PIK3C2G: variants seen among roughly 807,000 people sequenced by gnomAD.
PIK3C2G encodes phosphatidylinositol 3-kinase C2 domain-containing subunit gamma.
In PIK3C2G, 168 loss-of-function variants were observed where a neutral mutation model predicts 181.1. The observed-to-expected ratio is 0.93, with a 90% CI of 0.82 to 1.05. PIK3C2G has a LOEUF of 1.05. Among genes scored for constraint, PIK3C2G ranks in the 50% least tolerant of loss-of-function variants. The pLI, the probability that PIK3C2G is intolerant of heterozygous loss-of-function variation, is 0.00. For missense variants in PIK3C2G, 1,869 were observed against 1,732.8 expected (o/e 1.08, Z -1.40); for synonymous variants, 573 against 592.2 (o/e 0.97, Z 0.47).
chr12:18,369,044 C>G (rs559629603), intron 12 of PIK3C2G, among the ~76,000 whole-genome samples: 76 of 152,284 alleles, frequency 5.0e-4, no homozygotes, highest in South Asian at 4.1e-3. Context: ...CTTTTGTCAT[C>G]TTCAGTACTC....
chr12:18,546,517 C>A, intron 26 of PIK3C2G, 85 bp downstream of exon 26: 1 of 764,394 alleles, frequency 1.3e-6, no homozygotes, highest in Non-Finnish European at 2.3e-6. Context: ...TCAGGTTGAC[C>A]AGTCATTGGT....
intron 26 of PIK3C2G, among the ~76,000 whole-genome samples, chr12:18,553,844 ACT>A (rs1416239957): frequency 1.3e-5 from 2 of 151,914 alleles, no homozygotes. Flanking sequence ...TACCTTTTAG[ACT>A]CATATGCATT....
At chr12:18,337,982 G>C (rs1474434953) in intron 8 of PIK3C2G, among the ~76,000 whole-genome samples, 1 of 152,084 alleles carries the variant, frequency 6.6e-6, no homozygotes, top group Non-Finnish European at 1.5e-5. Context: ...CCAAACAATA[G>C]GTGTATTTTG....
At chr12:18,680,173 T>C in the PIK3C2G span, among the ~76,000 whole-genome samples, 1,473 of 152,080 alleles carry the variant, frequency 9.7e-3, 28 homozygotes, top group African/African-American at 0.033. Flanking sequence ...CCAGTCCATA[T>C]AGTCCCCCAG....
At chr12:18,557,148 C>T (rs1008751455) in intron 26 of PIK3C2G, among the ~76,000 whole-genome samples, 4 of 152,014 alleles carry the variant, frequency 2.6e-5, no homozygotes, top group African/African-American at 9.7e-5. Context: ...CTTAGATAAG[C>T]ATCATACTTT....
Position 18,286,896 on chromosome 12 carries a change from C to T in PIK3C2G, c.728C>T (p.Thr243Met), listed in dbSNP as rs186647102. ...GTGGAAGTACCTCAAAGCAGCAATA[C>T]GAGTCTGGCCTCTTTTTGCAACAAA... Reference protein sequence around the residue: ...QLVEVPQSSNTSLASFCNKVK... With the variant: ...QLVEVPQSSNMSLASFCNKVK... The change falls in exon 3 of 33, where the codon ACG (threonine) becomes ATG (methionine). Residue 243 changes from threonine to methionine, a missense_variant. By Grantham distance (81) the Thr-to-Met change is moderately conservative. Transcript: ENST00000538779. The T allele has an allele frequency of 2.5e-5, 40 of 1,572,810 alleles. No homozygotes were observed. Among genetic ancestry groups the T allele is most frequent in the Admixed American group, 1.8e-4 (10 of 54,538 alleles).
the PIK3C2G span, among the ~76,000 whole-genome samples, chr12:18,675,475 A>C: frequency 6.6e-6 from 1 of 152,206 alleles, no homozygotes; most frequent in Non-Finnish European, 1.5e-5. Flanking sequence ...TTCTCACAGA[A>C]CTAAAAGCAG....
At chr12:18,645,073 GTAAAGACTTAACTCATGCC>G (rs1396543006) in intron 32 of PIK3C2G, among the ~76,000 whole-genome samples, 1 of 152,090 alleles carries the variant, frequency 6.6e-6, no homozygotes, top group South Asian at 2.1e-4. Context: ...TCAGAAGGTA[GTAAAGACTTAACTCATGCC>G]TATAGGTAAA....
chr12:18,640,673 T>C (rs1203925901), intron 32 of PIK3C2G, 119 bp downstream of exon 32: 1 of 919,364 alleles, frequency 1.1e-6, no homozygotes, highest in African/African-American at 1.7e-5. Flanking sequence ...AGGAAAGATA[T>C]TTTCCAAAGT....
chr12:18,400,119 A>C (rs911642855), intron 16 of PIK3C2G, among the ~76,000 whole-genome samples: 4 of 152,182 alleles, frequency 2.6e-5, no homozygotes, highest in Non-Finnish European at 4.4e-5. Context: ...TTAATTAAGC[A>C]GGGAAAAATA....
intron 8 of PIK3C2G, among the ~76,000 whole-genome samples, chr12:18,331,204 T>C (rs1002424422): frequency 3.3e-5 from 5 of 152,118 alleles, no homozygotes; most frequent in African/African-American, 1.2e-4. Flanking sequence ...AAAAAAATAT[T>C]TGGCTATTCT....
At chr12:18,489,171 C>A (rs1055176389) in intron 19 of PIK3C2G, among the ~76,000 whole-genome samples, 2 of 151,962 alleles carry the variant, frequency 1.3e-5, no homozygotes, top group African/African-American at 4.8e-5. Context: ...AGAATATTTG[C>A]TCTTTTTAAT....
chr12:18,616,825 A>G (rs1170804004), intron 31 of PIK3C2G, among the ~76,000 whole-genome samples: 1 of 152,180 alleles, frequency 6.6e-6, no homozygotes, highest in Non-Finnish European at 1.5e-5. Flanking sequence ...TTTGTTTTAT[A>G]AAATTGTTTT....
At chr12:18,723,302 C>A in the PIK3C2G span, 1 of 1,602,534 alleles carries the variant, frequency 6.2e-7, no homozygotes, top group South Asian at 1.1e-5. Flanking sequence ...GTTTGAAATG[C>A]AAACATACCT....
At chr12:18,369,077 T>C (rs1226756107) in intron 12 of PIK3C2G, among the ~76,000 whole-genome samples, 3 of 152,210 alleles carry the variant, frequency 2.0e-5, no homozygotes, top group Non-Finnish European at 2.9e-5. Flanking sequence ...ACTGCTCTAA[T>C]AATTTAACAT....
the PIK3C2G span, among the ~76,000 whole-genome samples, chr12:18,689,930 G>A: frequency 2.0e-5 from 3 of 152,102 alleles, no homozygotes; most frequent in Middle Eastern, 3.2e-3. Context: ...AGAGGCAACA[G>A]AGAAAGACCC....
intron 20 of PIK3C2G, among the ~76,000 whole-genome samples, chr12:18,493,905 A>C (rs901826081): frequency 5.3e-5 from 8 of 152,188 alleles, no homozygotes; most frequent in Non-Finnish European, 1.2e-4. Context: ...ATCACAATGA[A>C]CCATTCCCTA....
At chr12:18,584,164 A>G (rs542337763) in intron 29 of PIK3C2G, among the ~76,000 whole-genome samples, 2 of 151,136 alleles carry the variant, frequency 1.3e-5, no homozygotes, top group East Asian at 3.9e-4. Flanking sequence ...AGTAGCTGGG[A>G]CTACAGGCAC....
intron 18 of PIK3C2G, among the ~76,000 whole-genome samples, chr12:18,446,293 A>T (rs971306897): frequency 6.6e-6 from 1 of 152,270 alleles, no homozygotes; most frequent in South Asian, 2.1e-4. Context: ...CTCCGTGGAC[A>T]ACATTCAGAG....
Sources: gnomAD v4.1 joint callset for allele counts (sites outside exome capture counted in the v4.1 genomes callset) on GRCh38, gnomAD v4.1.1 for gene constraint, MANE v1.5 for transcripts, NCBI Gene and HGNC (gene_info 2026-07-23, HGNC 2026-07-21) for gene names.